The following ABCA13 variants were observed in gnomAD, a reference collection of about 807,000 sequenced individuals.
ABCA13 encodes ATP-binding cassette sub-family A member 13.
ABCA13 carries 476 observed loss-of-function variants against 478.7 expected under a neutral mutation model. The ratio of observed to expected loss-of-function variants is 0.99; its 90% CI spans 0.92 to 1.07. The LOEUF is 1.07. Among genes scored for constraint, ABCA13 ranks in the 50% least tolerant of loss-of-function variants. ABCA13 has a pLI of 0.00. For missense variants in ABCA13, 6,060 were observed against 5,910.6 expected, an observed-to-expected ratio of 1.03 and a Z score of -0.83; for synonymous variants, 2,252 against 2,158.9, an observed-to-expected ratio of 1.04 and a Z score of -1.20.
chr7:48,189,322 C>T (rs1796780804), intron 1 of ABCA13, among the ~76,000 whole-genome samples: 1 of 151,736 alleles, frequency 6.6e-6, no homozygotes, highest in African/African-American at 2.4e-5. Flanking sequence ...AAAGGGAAGG[C>T]TGCCTTTGCA....
intron 8 of ABCA13, among the ~76,000 whole-genome samples, chr7:48,236,535 C>T (rs1265844055): frequency 6.6e-6 from 1 of 152,210 alleles, no homozygotes; most frequent in Non-Finnish European, 1.5e-5. Flanking sequence ...CTTCCAGTGG[C>T]CATCCACATT....
chr7:48,304,482 CT>C, intron 23 of ABCA13, among the ~76,000 whole-genome samples: 1 of 152,288 alleles, frequency 6.6e-6, no homozygotes, highest in Middle Eastern at 3.4e-3. Context: ...TCACAAACAT[CT>C]TTTATTTTTT....
chr7:48,459,739 GTTAAA>G (rs1347868955), intron 43 of ABCA13, among the ~76,000 whole-genome samples: 4 of 152,124 alleles, frequency 2.6e-5, no homozygotes, highest in African/African-American at 7.2e-5. Context: ...TTAAATCCTT[GTTAAA>G]TTGAAATAAT....
chr7:48,245,607 A>T lies in ABCA13; in HGVS notation c.1486A>T (p.Lys496Ter), dbSNP rs1196938667. 6.2e-7 allele frequency: 1 copy of T among 1,609,740 alleles called. No individual in the cohort carries two copies. Among genetic ancestry groups the T allele is most frequent in the Admixed American group, 1.7e-5 (1 of 59,168 alleles). Residue 496 changes from lysine (K) to a stop codon, truncating the protein, a stop_gained, in exon 12 of 62, where the codon AAA becomes TAA. Transcript: ENST00000435803. LOFTEE classifies it high-confidence loss of function. ...AAAGGATGTGTTCTTTTGGGAGCTG[A>T]AACAGGTAAAGCACAACAAATAATT... is the stretch of plus-strand genomic sequence containing the variant. ...LEKDVFFWELKQMLAKNAVCP... is the reference protein window; with the variant it reads ...LEKDVFFWEL
At chr7:48,347,270 A>G (rs1314344827) in intron 29 of ABCA13, among the ~76,000 whole-genome samples, 2 of 152,230 alleles carry the variant, frequency 1.3e-5, no homozygotes, top group Non-Finnish European at 2.9e-5. Context: ...AATTTTATAT[A>G]CTGAAACAAA....
intron 15 of ABCA13, among the ~76,000 whole-genome samples, chr7:48,258,420 G>T (rs1396800647): frequency 2.6e-5 from 4 of 152,024 alleles, no homozygotes; most frequent in Non-Finnish European, 4.4e-5. Flanking sequence ...ATTCTTTGGG[G>T]TCAGTTGTAA....
intron 43 of ABCA13, among the ~76,000 whole-genome samples, chr7:48,459,176 G>C (rs957546215): frequency 6.6e-6 from 1 of 152,116 alleles, no homozygotes; most frequent in Non-Finnish European, 1.5e-5. Flanking sequence ...GAGGAGGGTG[G>C]TGCATCTCTG....
In ABCA13 at chr7:48,211,955, T is replaced by C. The variant is rs73694370; in HGVS notation, c.288-7399T>C. Among the ~76,000 whole-genome samples the C allele has an allele frequency of 2.0e-3, 300 of 151,856 alleles. 7 individuals carry two copies. The highest frequency in any genetic ancestry group is 0.017 in the Admixed American group (263 of 15,250). ...TGTAAGCACTCTAATGGCTACTACA[T>C]CTGGTATTGCATTGGTACTGCAACT... On this transcript the variant is annotated intron_variant, in intron 3 of 61. Transcript: ENST00000435803.
chr7:48,270,095 C>T (rs914722805), intron 16 of ABCA13, among the ~76,000 whole-genome samples: 2 of 152,090 alleles, frequency 1.3e-5, no homozygotes, highest in African/African-American at 4.8e-5. Context: ...TGTCTTTCAT[C>T]ATGGATAGTG....
chr7:48,593,470 A>C (rs1228594775), intron 57 of ABCA13, among the ~76,000 whole-genome samples: 3 of 151,930 alleles, frequency 2.0e-5, no homozygotes, highest in Non-Finnish European at 4.4e-5. Flanking sequence ...TATTTCCATT[A>C]AAAAATTATT....
intron 19 of ABCA13, among the ~76,000 whole-genome samples, chr7:48,283,214 G>A (rs1298617230): frequency 1.3e-5 from 2 of 152,128 alleles, no homozygotes; most frequent in East Asian, 3.9e-4. Context: ...ATGGCTAATT[G>A]GTGGGTGTGG....
At chr7:48,341,657 C>T (rs938058900) in intron 29 of ABCA13, among the ~76,000 whole-genome samples, 2 of 151,326 alleles carry the variant, frequency 1.3e-5, no homozygotes, top group African/African-American at 4.9e-5. Flanking sequence ...AAAAAACCCA[C>T]CGTTTATGGC....
At chr7:48,610,770 T>C (rs894115304) in intron 58 of ABCA13, among the ~76,000 whole-genome samples, 6 of 152,138 alleles carry the variant, frequency 3.9e-5, no homozygotes, top group African/African-American at 1.4e-4. Context: ...GCTTGCACTC[T>C]CTGGACCAGT....
chr7:48,519,779 T>C (rs1563385787), intron 52 of ABCA13, among the ~76,000 whole-genome samples: 1 of 152,202 alleles, frequency 6.6e-6, no homozygotes, highest in East Asian at 1.9e-4. Context: ...TAGAGATCAT[T>C]GTGATTTCCT....
At chr7:48,586,788 A>G (rs551500604) in intron 56 of ABCA13, among the ~76,000 whole-genome samples, 1 of 152,220 alleles carries the variant, frequency 6.6e-6, no homozygotes, top group South Asian at 2.1e-4. Context: ...CACCGCTATT[A>G]GTTTCATTCC....
chr7:48,210,204 C>T (rs969576999), intron 3 of ABCA13, among the ~76,000 whole-genome samples: 4 of 152,036 alleles, frequency 2.6e-5, no homozygotes, highest in Non-Finnish European at 5.9e-5. Flanking sequence ...CTTCACATGG[C>T]GGCAGGAGAG....
At chr7:48,328,437 G>A (rs992872089) in intron 27 of ABCA13, among the ~76,000 whole-genome samples, 2 of 152,178 alleles carry the variant, frequency 1.3e-5, no homozygotes, top group Admixed American at 1.3e-4. Flanking sequence ...GTTGCCCAGA[G>A]TAGAAGTAAT....
chr7:48,409,588 T>C (rs1002341940), intron 39 of ABCA13, among the ~76,000 whole-genome samples: 2 of 152,206 alleles, frequency 1.3e-5, no homozygotes, highest in African/African-American at 4.8e-5. Flanking sequence ...CATGTTCTGA[T>C]GCTGCTACTT....
chr7:48,471,247 C>T (rs1179729915), intron 44 of ABCA13, among the ~76,000 whole-genome samples: 1 of 152,176 alleles, frequency 6.6e-6, no homozygotes, highest in South Asian at 2.1e-4. Context: ...CCACCAGGAG[C>T]CCCAGCCGCA....
Sources: gnomAD v4.1 joint callset for allele counts (sites outside exome capture counted in the v4.1 genomes callset) on GRCh38, gnomAD v4.1.1 for gene constraint, MANE v1.5 for transcripts, NCBI Gene and HGNC (gene_info 2026-07-23, HGNC 2026-07-21) for gene names.